Variants in ATP23 observed in about 807,000 individuals in gnomAD.
The protein encoded by ATP23 is ATP23 metallopeptidase and ATP synthase assembly factor homolog.
ATP23 carries 24 observed loss-of-function variants against 28.5 expected under a neutral mutation model. The observed-to-expected ratio is 0.84, with a 90% CI of 0.61 to 1.18. The LOEUF (loss-of-function observed/expected upper bound fraction) is 1.18. ATP23 is among the 50% of genes most tolerant of loss of function. The pLI is 0.00. For missense variants in ATP23, 274 were observed against 306.4 expected (o/e 0.89, Z 0.79); for synonymous variants, 99 against 108.6 (o/e 0.91, Z 0.55).
chr12:57,955,456 G>A lies in ATP23; in HGVS notation c.538-1231G>A, dbSNP rs372192508. Among the ~76,000 whole-genome samples the A allele has an allele frequency of 5.8e-4, 88 of 152,192 alleles. 4 individuals are homozygous for A. The highest frequency in any genetic ancestry group is 3.3e-3 in the East Asian group (17 of 5,166). On this transcript the variant is annotated intron_variant, in intron 5 of 5. Transcript: ENST00000300145. ...GTAGGAATCTGGCTGAGGGAGAAGA[G>A]TCTTAGAGAATGGAGTCCCTGCTTT... is the stretch of plus-strand genomic sequence containing the variant.
At chr12:57,955,810 T>C (rs1375214461) in intron 5 of ATP23, among the ~76,000 whole-genome samples, 3 of 152,208 alleles carry the variant, frequency 2.0e-5, no homozygotes. Flanking sequence ...CCAATGTTAG[T>C]GAATATCTCC....
intron 4 of ATP23, 128 bp from the exon 5 acceptor site, chr12:57,953,478 C>T: frequency 2.6e-6 from 2 of 755,472 alleles, no homozygotes; most frequent in South Asian, 2.0e-5. Context: ...AGAAGTGTCA[C>T]AAATACTCTT....
At chr12:57,948,080 A>G (rs991701040) in intron 3 of ATP23, among the ~76,000 whole-genome samples, 3 of 152,100 alleles carry the variant, frequency 2.0e-5, no homozygotes, top group African/African-American at 7.2e-5. Context: ...GGGCTTGGGC[A>G]AGTTATTTTT....
At chr12:57,952,185 G>A (rs1437286240) in intron 4 of ATP23, among the ~76,000 whole-genome samples, 1 of 151,848 alleles carries the variant, frequency 6.6e-6, no homozygotes, top group Non-Finnish European at 1.5e-5. Flanking sequence ...TTCCATAGGA[G>A]ACATTAATAA....
intron 2 of ATP23, among the ~76,000 whole-genome samples, chr12:57,946,141 C>T (rs1195282996): frequency 6.6e-6 from 1 of 152,154 alleles, no homozygotes; most frequent in East Asian, 1.9e-4. Context: ...GCTGGGATTA[C>T]AGGTGTGAGC....
chr12:57,950,528 C>CT (rs60968742), intron 3 of ATP23, among the ~76,000 whole-genome samples: 4,508 of 142,478 alleles, frequency 0.032, 211 homozygotes, highest in African/African-American at 0.1. Flanking sequence ...CTTTCTTTTT[C>CT]TTTTTTTTTT....
intron 5 of ATP23, among the ~76,000 whole-genome samples, chr12:57,955,873 C>T (rs1354120968): frequency 2.0e-5 from 3 of 152,104 alleles, no homozygotes; most frequent in East Asian, 3.9e-4. Flanking sequence ...GTGGAGAAAA[C>T]GGATGGCTGT....
At chr12:57,953,562 G>A (rs17490182) in intron 4 of ATP23, 44 bp from the exon 5 acceptor site, 52,998 of 1,514,902 alleles carry the variant, frequency 0.035, 1,025 homozygotes, top group Non-Finnish European at 0.039. Flanking sequence ...AAGATATATA[G>A]AGCATGAGCG....
chr12:57,955,294 T>A (rs570229964), intron 5 of ATP23, among the ~76,000 whole-genome samples: 163 of 151,836 alleles, frequency 1.1e-3, no homozygotes, highest in Non-Finnish European at 1.4e-3. Flanking sequence ...TTTTTTTTTT[T>A]AATTCACCTT....
rs145443664 is a variant in ATP23, at chr12:57,950,828, C to T, written c.316-930C>T. On this transcript the variant is annotated intron_variant, in intron 3 of 5. Transcript: ENST00000300145. ...ATAGGCATGAGCCACTGCACCCAAC[C>T]TCATTGTATATGCTCATGACAACCT... is the stretch of plus-strand genomic sequence containing the variant. 1.5e-3 allele frequency among the ~76,000 whole-genome samples: 236 copies of T among 152,304 alleles called. 2 individuals are homozygous for T. The East Asian group carries it at 0.04, about 26-fold the overall frequency.
At chr12:57,951,657 T>G in intron 3 of ATP23, 101 bp from the exon 4 acceptor site, 53 of 1,308,338 alleles carry the variant, frequency 4.1e-5, no homozygotes, top group Non-Finnish European at 5.2e-5. Context: ...TCCAGGCAGG[T>G]GAGCTTGTGG....
chr12:57,954,194 CAAAAA>C (rs11357155), intron 5 of ATP23, among the ~76,000 whole-genome samples: 1 of 71,438 alleles, frequency 1.4e-5, no homozygotes, highest in East Asian at 3.5e-4. Context: ...GACTCCATCT[CAAAAA>C]AAAAAAAAAA....
chr12:57,944,432 C>A (rs1342069831), intron 1 of ATP23, among the ~76,000 whole-genome samples: 1 of 152,142 alleles, frequency 6.6e-6, no homozygotes, highest in Non-Finnish European at 1.5e-5. Flanking sequence ...CATTTGGGCT[C>A]CTTGTACTTT....
chr12:57,941,743 A>G lies in ATP23; in HGVS notation c.42A>G (p.Ala14=). The G allele has an allele frequency of 6.3e-7, 1 of 1,597,096 alleles. No homozygotes were observed. Among genetic ancestry groups the G allele is most frequent in the Non-Finnish European group, 8.5e-7 (1 of 1,172,950 alleles). The change falls in exon 1 of 6, where the codon GCA becomes GCG. Residue 14 remains alanine, a synonymous_variant. Coordinates refer to ENST00000300145, the MANE Select transcript of ATP23 (RefSeq NM_033276.4). ...ACGAGCGCCGGCGGGGCCCCGCGGCAGGGGAGCAGCTGCAGCAGCAACACG... is the reference window on the plus strand; with the variant it reads ...ACGAGCGCCGGCGGGGCCCCGCGGCGGGGGAGCAGCTGCAGCAGCAACACG... ...APDERRRGPA[A]GEQLQQQHVS...
At chr12:57,947,127 AT>A in intron 3 of ATP23, 51 bp downstream of exon 3, 1 of 1,557,098 alleles carries the variant, frequency 6.4e-7, no homozygotes, top group East Asian at 2.2e-5. Context: ...CTCTCTTTAT[AT>A]TTTTTGAGCA....
intron 1 of ATP23, among the ~76,000 whole-genome samples, chr12:57,945,393 C>T (rs2140528559): frequency 6.6e-6 from 1 of 152,130 alleles, no homozygotes; most frequent in South Asian, 2.1e-4. Flanking sequence ...CCACCATGCC[C>T]AGCTAATTTT....
At position 57,951,868 on chromosome 12, in the gene ATP23, C is replaced by A. The variant is rs576049583; in HGVS notation, c.426C>A (p.Thr142=). The A allele has an allele frequency of 2.5e-6, 4 of 1,614,130 alleles. No individual in the cohort carries two copies. The East Asian group carries it at 8.9e-5, about 36-fold the overall frequency. ...GTCGTGCCCATGTCGACTGGTTCAC[C>A]AACATCAGACATTTGGCGTGCTCAG... ...DHCRAHVDWF[T]NIRHLACSEV... The change falls in exon 4 of 6, where the codon ACC becomes ACA. Residue 142 remains threonine, a synonymous_variant. Coordinates refer to ENST00000300145, the MANE Select transcript of ATP23 (RefSeq NM_033276.4).
Position 57,957,077 on chromosome 12 carries a change from A to G in ATP23, c.*187A>G. ...AAAAATGAAACTGCTTTAAACTCCA[A>G]GGCAGAAATTGTATCTTTATAGCTA... On this transcript the variant is annotated 3_prime_UTR_variant, in exon 6 of 6. Transcript: ENST00000300145. The G allele has an allele frequency of 2.2e-6, 1 of 454,508 alleles. No homozygotes were observed. The highest frequency in any genetic ancestry group is 3.8e-6 in the Non-Finnish European group (1 of 264,812). 28.2% of individuals were successfully genotyped at this position (454,508 alleles called of 1,614,324 possible).
At chr12:57,953,577 T>C in intron 4 of ATP23, 29 bp from the exon 5 acceptor site, 1 of 1,599,934 alleles carries the variant, frequency 6.3e-7, no homozygotes, top group Non-Finnish European at 8.5e-7. Context: ...TGAGCGTTTA[T>C]TTCTTTTTAT....
Sources: gnomAD v4.1 joint callset for allele counts (sites outside exome capture counted in the v4.1 genomes callset) on GRCh38, gnomAD v4.1.1 for gene constraint, MANE v1.5 for transcripts, NCBI Gene and HGNC (gene_info 2026-07-23, HGNC 2026-07-21) for gene names.